The following NKAIN3 variants were observed in gnomAD, a reference collection of about 807,000 sequenced individuals.
NKAIN3 encodes sodium/potassium transporting ATPase interacting 3, also known as sodium/potassium-transporting ATPase subunit beta-1-interacting protein 3.
In NKAIN3, 25 loss-of-function variants were observed where a neutral mutation model predicts 30.2. The ratio of observed to expected loss-of-function variants is 0.83; its 90% confidence interval spans 0.60 to 1.16. NKAIN3 has a LOEUF of 1.16. Ranked by LOEUF, NKAIN3 falls within the 50% of genes most tolerant of loss-of-function variation. The pLI, the probability that NKAIN3 is intolerant of heterozygous loss-of-function variation, is 0.00. For missense variants in NKAIN3, 225 were observed against 254.1 expected (o/e 0.89, Z 0.78); for synonymous variants, 91 against 89.6 (o/e 1.02, Z -0.09).
Position 62,818,530 on chromosome 8 carries a change from G to A in NKAIN3, c.471+71401G>A, listed in dbSNP as rs533509992. 5.9e-5 allele frequency among the ~76,000 whole-genome samples: 9 copies of A among 151,662 alleles called. No homozygotes were observed. The South Asian group carries it at 1.7e-3, about 28-fold the overall frequency. On this transcript the variant is annotated intron_variant, in intron 4 of 6. Transcript: ENST00000623646. ...TCTATGCCAACTTTTTTTTCCCAGTGTGATCTACCTTGTGTCTTGTTTGTT... is the reference window on the plus strand; with the variant it reads ...TCTATGCCAACTTTTTTTTCCCAGTATGATCTACCTTGTGTCTTGTTTGTT...
chr8:62,720,738 T>A (rs1815063554), intron 3 of NKAIN3, among the ~76,000 whole-genome samples: 1 of 152,204 alleles, frequency 6.6e-6, no homozygotes, highest in Non-Finnish European at 1.5e-5. Flanking sequence ...TTCCATTTGT[T>A]GGAGGGCTCC....
intron 3 of NKAIN3, among the ~76,000 whole-genome samples, chr8:62,699,808 A>G (rs1360200933): frequency 6.6e-6 from 1 of 152,222 alleles, no homozygotes; most frequent in Non-Finnish European, 1.5e-5. Context: ...CAGAATGAAA[A>G]AATAAGTAAC....
intron 1 of NKAIN3, among the ~76,000 whole-genome samples, chr8:62,400,375 C>A (rs979408171): frequency 4.0e-5 from 6 of 151,812 alleles, no homozygotes; most frequent in African/African-American, 1.5e-4. Flanking sequence ...TTTCTCCATG[C>A]TGGCCAGGCT....
chr8:62,441,235 C>G (rs1805314607), intron 1 of NKAIN3, among the ~76,000 whole-genome samples: 1 of 152,106 alleles, frequency 6.6e-6, no homozygotes, highest in South Asian at 2.1e-4. Flanking sequence ...ATTTTTACTA[C>G]TATATAGCTG....
chr8:62,353,954 G>T (rs576190166), intron 1 of NKAIN3, among the ~76,000 whole-genome samples: 7 of 152,178 alleles, frequency 4.6e-5, no homozygotes, highest in Non-Finnish European at 1.0e-4. Context: ...CTCCTTAAAA[G>T]AAGCGAGTGT....
rs563030993 is a variant in NKAIN3 at position 62,978,620 on chromosome 8, A to G, written c.*13213A>G. The G allele has an allele frequency of 2.8e-4, 43 of 152,588 alleles. No individual in the cohort carries two copies. Among genetic ancestry groups the G allele is most frequent in the African/African-American group, 9.9e-4 (41 of 41,572 alleles). 9.5% of individuals were successfully genotyped at this position (152,588 alleles called of 1,614,324 possible). A position where few individuals can be genotyped will look rare whatever the true frequency, so the allele number is the denominator to read the frequency against. On this transcript the variant is annotated 3_prime_UTR_variant, in exon 7 of 7. Transcript: ENST00000623646. ...TCAGACTGCTGTGCTGGAAGTAAGA[A>G]TTTCAATCCAGTGGATCTTAGCTTT...
intron 3 of NKAIN3, among the ~76,000 whole-genome samples, chr8:62,731,819 C>T (rs1033520591): frequency 6.6e-6 from 1 of 152,144 alleles, no homozygotes; most frequent in East Asian, 1.9e-4. Context: ...TTCATCCCTC[C>T]CTCACAAGTC....
At chr8:62,807,771 TA>T (rs1466084681) in intron 4 of NKAIN3, among the ~76,000 whole-genome samples, 2 of 149,188 alleles carry the variant, frequency 1.3e-5, no homozygotes, top group African/African-American at 4.9e-5. Flanking sequence ...CAGGAAGATA[TA>T]TATATATAAA....
intron 1 of NKAIN3, among the ~76,000 whole-genome samples, chr8:62,256,410 ATC>A (rs1208264361): frequency 1.3e-5 from 2 of 152,004 alleles, no homozygotes; most frequent in African/African-American, 4.8e-5. Flanking sequence ...CAGAACAAGA[ATC>A]TGTCTCTAAA....
chr8:62,343,223 GC>G (rs1406103006), intron 1 of NKAIN3, among the ~76,000 whole-genome samples: 16 of 152,048 alleles, frequency 1.1e-4, no homozygotes, highest in Admixed American at 9.8e-4. Flanking sequence ...ACCTAAACTG[GC>G]TTTGCCCTAC....
At chr8:62,588,616 T>C (rs1270131503) in intron 2 of NKAIN3, among the ~76,000 whole-genome samples, 1 of 151,758 alleles carries the variant, frequency 6.6e-6, no homozygotes, top group Non-Finnish European at 1.5e-5. Context: ...TTACACAGAG[T>C]CTAAATTTTA....
intron 1 of NKAIN3, among the ~76,000 whole-genome samples, chr8:62,387,608 A>T (rs16928856): frequency 0.14 from 20,853 of 152,126 alleles, 1,730 homozygotes; most frequent in East Asian, 0.4. Context: ...GTTAATTAGG[A>T]TCCTACTCCC....
intron 4 of NKAIN3, among the ~76,000 whole-genome samples, chr8:62,767,876 A>G (rs904075149): frequency 1.6e-4 from 25 of 152,222 alleles, no homozygotes; most frequent in African/African-American, 6.0e-4. Context: ...ATAAAATATC[A>G]TACATAATTA....
Position 62,975,995 on chromosome 8 carries a change from G to T in NKAIN3, c.*10588G>T, listed in dbSNP as rs1024183744. 1.2e-4 allele frequency among the ~76,000 whole-genome samples: 19 copies of T among 152,314 alleles called. No homozygotes were observed. Among genetic ancestry groups the T allele is most frequent in the African/African-American group, 4.6e-4 (19 of 41,578 alleles). Reference sequence around the variant, plus strand: ...AGTTTCCATGTAGTTGTGTGGTTTTGAGTGAGTTTCTTAATCCTGAGTTCT... The same window carrying T: ...AGTTTCCATGTAGTTGTGTGGTTTTTAGTGAGTTTCTTAATCCTGAGTTCT... On this transcript the variant is annotated 3_prime_UTR_variant, in exon 7 of 7. Coordinates refer to ENST00000623646, the MANE Select transcript of NKAIN3 (RefSeq NM_001304533.3).
At position 62,311,872 on chromosome 8, in the gene NKAIN3, A is replaced by ATTCC. The variant is rs1324363876; in HGVS notation, c.54+62745_54+62746insTTCC. 5.3e-5 allele frequency among the ~76,000 whole-genome samples: 8 copies of ATTCC among 150,518 alleles called. No individual in the cohort carries two copies. In the East Asian group the frequency reaches 9.7e-4, roughly 18 times the overall value. On this transcript the variant is annotated intron_variant, in intron 1 of 6. Coordinates refer to ENST00000623646, the MANE Select transcript of NKAIN3 (RefSeq NM_001304533.3). ...TCCATTCTCCCACTCTGCAAAGTAA[A>ATTCC]AGGCTAACTCTCACCCACCCCTCAT...
intron 1 of NKAIN3, among the ~76,000 whole-genome samples, chr8:62,396,472 A>T (rs1414225498): frequency 6.6e-6 from 1 of 152,206 alleles, no homozygotes; most frequent in Non-Finnish European, 1.5e-5. Flanking sequence ...TACAGAATTA[A>T]TTCTCAGATA....
chr8:62,508,747 G>A (rs764336685), intron 1 of NKAIN3, among the ~76,000 whole-genome samples: 9 of 152,126 alleles, frequency 5.9e-5, no homozygotes, highest in Non-Finnish European at 1.0e-4. Context: ...TTTCAGAATG[G>A]TGATAATTTA....
intron 5 of NKAIN3, among the ~76,000 whole-genome samples, chr8:62,933,832 G>C (rs138703463): frequency 6.6e-6 from 1 of 152,118 alleles, no homozygotes; most frequent in Admixed American, 6.5e-5. Context: ...TGAATAAAAG[G>C]TTCCTCCAAA....
intron 1 of NKAIN3, among the ~76,000 whole-genome samples, chr8:62,559,581 G>T (rs1809505912): frequency 6.6e-6 from 1 of 151,828 alleles, no homozygotes; most frequent in Non-Finnish European, 1.5e-5. Flanking sequence ...GTATCTCCAT[G>T]CATAGCTTTT....
Sources: allele counts gnomAD v4.1 joint callset (sites outside exome capture counted in the v4.1 genomes callset), GRCh38; gene constraint gnomAD v4.1.1; transcripts MANE v1.5; gene names NCBI Gene and HGNC (gene_info 2026-07-23, HGNC 2026-07-21).